Variants in TULP3 observed in about 807,000 individuals in gnomAD.
The protein encoded by TULP3 is TUB like protein 3.
TULP3 carries 38 observed loss-of-function variants against 50.7 expected under a neutral mutation model. The ratio of observed to expected loss-of-function variants is 0.75; its 90% CI spans 0.58 to 0.98. The LOEUF is 0.98. Among genes scored for constraint, TULP3 ranks in the 50% least tolerant of loss-of-function variants. The probability of loss-of-function intolerance (pLI) is 0.00; values close to 1 mark genes in which losing one functional copy is unlikely to be tolerated. For synonymous variants in TULP3, 183 were observed against 196.6 expected (o/e 0.93, Z 0.58); for missense variants, 550 against 568.0 (o/e 0.97, Z 0.32).
chr12:2,900,307 A>G (rs2098178393), intron 1 of TULP3, among the ~76,000 whole-genome samples: 1 of 152,110 alleles, frequency 6.6e-6, no homozygotes, highest in African/African-American at 2.4e-5. Context: ...TTTCTCCTCA[A>G]TTTCATTTAG....
intron 1 of TULP3, among the ~76,000 whole-genome samples, chr12:2,893,189 G>C (rs2098173224): frequency 6.6e-6 from 1 of 152,024 alleles, no homozygotes; most frequent in Non-Finnish European, 1.5e-5. Context: ...ACATCAAAGG[G>C]GAATGTGTGA....
At chr12:2,898,649 T>C (rs997688129) in intron 1 of TULP3, among the ~76,000 whole-genome samples, 2 of 152,160 alleles carry the variant, frequency 1.3e-5, no homozygotes, top group African/African-American at 4.8e-5. Flanking sequence ...TGAAGACTTT[T>C]TTCTTTTTAT....
At chr12:2,923,029 A>AT (rs1370752112) in intron 4 of TULP3, among the ~76,000 whole-genome samples, 3 of 151,216 alleles carry the variant, frequency 2.0e-5, no homozygotes, top group African/African-American at 2.4e-5. Context: ...AATTTTTTGT[A>AT]TTTTTTTAGT....
At chr12:2,930,211 G>A (rs766031765) in intron 4 of TULP3, 37 bp from the exon 5 acceptor site, 2 of 1,402,934 alleles carry the variant, frequency 1.4e-6, no homozygotes, top group Non-Finnish European at 1.0e-6. Context: ...TTTTTAAACA[G>A]TGTTGGCAGT....
chr12:2,936,490 C>T (rs2098201341), intron 8 of TULP3, among the ~76,000 whole-genome samples: 1 of 152,024 alleles, frequency 6.6e-6, no homozygotes, highest in Non-Finnish European at 1.5e-5. Flanking sequence ...GTGGCTCACT[C>T]CTGTAGTCAC....
At chr12:2,922,158 A>G (rs1244019342) in intron 3 of TULP3, 104 bp from the exon 4 acceptor site, 1 of 1,354,538 alleles carries the variant, frequency 7.4e-7, no homozygotes, top group Non-Finnish European at 1.0e-6. Flanking sequence ...AGGGCAGATA[A>G]AATGATTTGG....
chr12:2,930,276 G>A lies in TULP3; in HGVS notation c.423G>A (p.Glu141=). ...TCTCTGAAAGTGTGAACTTCGATGA[G>A]GAGACTGATGGAATATCCCAGTCAG... ...HDISESVNFD[E]ETDGISQSAC... The change falls in exon 5 of 11, where the codon GAG becomes GAA. Residue 141 remains glutamate (E), a synonymous_variant. Coordinates refer to ENST00000448120, the MANE Select transcript of TULP3 (RefSeq NM_003324.5). 3 of 1,612,656 alleles carry A rather than the reference G, an allele frequency of 1.9e-6. No individual in the cohort carries two copies. The highest frequency in any genetic ancestry group is 2.5e-6 in the Non-Finnish European group (3 of 1,179,308).
intron 4 of TULP3, among the ~76,000 whole-genome samples, chr12:2,926,179 A>T (rs1429411372): frequency 6.6e-6 from 1 of 152,208 alleles, no homozygotes; most frequent in Non-Finnish European, 1.5e-5. Flanking sequence ...GTGATATCTC[A>T]GGAGTTTCTG....
intron 4 of TULP3, among the ~76,000 whole-genome samples, chr12:2,925,931 C>T (rs147401281): frequency 9.8e-4 from 149 of 152,268 alleles, no homozygotes; most frequent in African/African-American, 3.5e-3. Flanking sequence ...GGTGAGTTAA[C>T]GCCTTTTCAT....
chr12:2,920,698 A>T, intron 2 of TULP3, 65 bp from the exon 3 acceptor site: 4 of 1,565,652 alleles, frequency 2.6e-6, no homozygotes, highest in Non-Finnish European at 3.5e-6. Context: ...CAAACTGGGC[A>T]TGTTGGAAAT....
At chr12:2,937,970 A>G (rs191477332) in intron 9 of TULP3, 144 bp from the exon 10 acceptor site, 14 of 996,886 alleles carry the variant, frequency 1.4e-5, no homozygotes, top group Non-Finnish European at 1.2e-5. Flanking sequence ...GAATAATTTT[A>G]AAAAAAACCT....
intron 2 of TULP3, among the ~76,000 whole-genome samples, chr12:2,918,389 G>C (rs911233464): frequency 6.6e-6 from 1 of 152,010 alleles, no homozygotes; most frequent in African/African-American, 2.4e-5. Context: ...TGGGATTACA[G>C]GCGTGAGCCA....
intron 7 of TULP3, 112 bp from the exon 8 acceptor site, chr12:2,934,335 A>G: frequency 1.6e-6 from 1 of 617,038 alleles, no homozygotes; most frequent in Non-Finnish European, 2.7e-6. Context: ...GATGATGAAC[A>G]TTGAGACATT....
intron 1 of TULP3, among the ~76,000 whole-genome samples, chr12:2,896,567 G>A (rs2153947547): frequency 6.6e-6 from 1 of 152,280 alleles, no homozygotes; most frequent in East Asian, 1.9e-4. Flanking sequence ...ATGAACTATA[G>A]TTGTAAGTTT....
intron 1 of TULP3, among the ~76,000 whole-genome samples, chr12:2,908,669 C>T (rs2098183781): frequency 6.6e-6 from 1 of 152,152 alleles, no homozygotes; most frequent in African/African-American, 2.4e-5. Context: ...ATCCACCTGC[C>T]TTGACCTCCC....
chr12:2,915,839 C>T lies in TULP3; in HGVS notation c.94-4924C>T, dbSNP rs186944641. Among the ~76,000 whole-genome samples, 101 of 150,684 alleles carry T rather than the reference C, an allele frequency of 6.7e-4. 1 individual carries two copies. Among genetic ancestry groups the T allele is most frequent in the African/African-American group, 2.4e-3 (100 of 40,990 alleles). On this transcript the variant is annotated intron_variant, in intron 2 of 10. Transcript: ENST00000448120. ...GATTACAGGCGTGAGCCACCGTGCC[C>T]GGCCGAGATTTTTAAACAAACTGAT... is the stretch of plus-strand genomic sequence containing the variant.
At chr12:2,934,585 G>A (rs754935262) in intron 8 of TULP3, 24 bp downstream of exon 8, 41 of 1,496,368 alleles carry the variant, frequency 2.7e-5, no homozygotes, top group Admixed American at 2.6e-4. Flanking sequence ...TCCCAGGGCC[G>A]CTGCCTGCCC....
At chr12:2,935,710 C>CA (rs2098200822) in intron 8 of TULP3, among the ~76,000 whole-genome samples, 1 of 152,102 alleles carries the variant, frequency 6.6e-6, no homozygotes, top group Non-Finnish European at 1.5e-5. Flanking sequence ...TGGTGGCTCA[C>CA]ACCTGTAATC....
chr12:2,916,772 C>T (rs1752804706), intron 2 of TULP3, among the ~76,000 whole-genome samples: 1 of 152,240 alleles, frequency 6.6e-6, no homozygotes, highest in African/African-American at 2.4e-5. Context: ...ACCAAGATGG[C>T]AGCTTGCACA....
Sources: gnomAD v4.1 joint callset for allele counts (sites outside exome capture counted in the v4.1 genomes callset) on GRCh38, gnomAD v4.1.1 for gene constraint, MANE v1.5 for transcripts, NCBI Gene and HGNC (gene_info 2026-07-23, HGNC 2026-07-21) for gene names.